The following PLEKHA5 variants were observed in gnomAD, a reference collection of about 807,000 sequenced individuals.
PLEKHA5 encodes pleckstrin homology domain-containing family A member 5.
A neutral mutation model predicts 181.9 loss-of-function variants in PLEKHA5; 55 were observed. The observed-to-expected ratio is 0.30, with a 90% confidence interval of 0.24 to 0.38. The LOEUF is 0.38. Among genes scored for constraint, PLEKHA5 ranks in the 10% least tolerant of loss-of-function variants. The pLI is 1.00. For missense variants in PLEKHA5, 1,432 were observed against 1,549.5 expected, an observed-to-expected ratio of 0.92 and a Z score of 1.27; for synonymous variants, 535 against 529.4, an observed-to-expected ratio of 1.01 and a Z score of -0.15.
chr12:19,177,906 G>A (rs1045205619), intron 3 of PLEKHA5, among the ~76,000 whole-genome samples: 7 of 152,234 alleles, frequency 4.6e-5, no homozygotes, highest in Admixed American at 1.3e-4. Context: ...AGCCAGTGCT[G>A]ATGATCAGCT....
chr12:19,245,359 G>A (rs1405512545), intron 3 of PLEKHA5, among the ~76,000 whole-genome samples: 2 of 152,092 alleles, frequency 1.3e-5, no homozygotes, highest in Non-Finnish European at 2.9e-5. Context: ...AGACAAAGTT[G>A]TGAATTTTGA....
intron 3 of PLEKHA5, among the ~76,000 whole-genome samples, chr12:19,137,053 T>TC (rs1218994850): frequency 6.6e-6 from 1 of 152,154 alleles, no homozygotes; most frequent in African/African-American, 2.4e-5. Context: ...TACTTTTTTT[T>TC]TTTCTTTGAG....
At chr12:19,367,824 G>A (rs1479111111) in intron 30 of PLEKHA5, among the ~76,000 whole-genome samples, 1 of 151,068 alleles carries the variant, frequency 6.6e-6, no homozygotes, top group African/African-American at 2.4e-5. Context: ...CTGGCCTCGT[G>A]ATCCGCCCGC....
At chr12:19,217,786 G>T (rs536321515) in intron 3 of PLEKHA5, among the ~76,000 whole-genome samples, 1 of 152,318 alleles carries the variant, frequency 6.6e-6, no homozygotes, top group South Asian at 2.1e-4. Flanking sequence ...AGCATGATTG[G>T]TGTGGACTCT....
chr12:19,291,827 A>C (rs888528012), intron 15 of PLEKHA5, 130 bp downstream of exon 15: 6 of 542,714 alleles, frequency 1.1e-5, no homozygotes, highest in Non-Finnish European at 1.9e-5. Flanking sequence ...GTGATAGAAT[A>C]TGAAATCTCT....
At chr12:19,230,017 A>G (rs1044411381) in intron 3 of PLEKHA5, among the ~76,000 whole-genome samples, 6 of 151,948 alleles carry the variant, frequency 3.9e-5, no homozygotes, top group Non-Finnish European at 8.8e-5. Flanking sequence ...GTAGACATAA[A>G]GGTTCTCCAA....
intron 3 of PLEKHA5, chr12:19,152,617 G>A (rs912780163): frequency 2.0e-5 from 3 of 152,082 alleles, no homozygotes; most frequent in African/African-American, 7.2e-5. Flanking sequence ...ATATATGATG[G>A]TAATAATTAA....
At chr12:19,372,872 C>G (rs1225066812) in intron 31 of PLEKHA5, 1 of 150,800 alleles carries the variant, frequency 6.6e-6, no homozygotes, top group African/African-American at 2.4e-5. Context: ...CTTAAGTGAT[C>G]CTCCCACGAC....
chr12:19,196,295 A>T (rs914843839), intron 3 of PLEKHA5, among the ~76,000 whole-genome samples: 43 of 152,220 alleles, frequency 2.8e-4, no homozygotes, highest in African/African-American at 1.0e-3. Context: ...AGACAATTTA[A>T]TAGTAGATTT....
intron 20 of PLEKHA5, among the ~76,000 whole-genome samples, chr12:19,333,521 A>G (rs1361555079): frequency 2.6e-5 from 4 of 151,750 alleles, no homozygotes; most frequent in Non-Finnish European, 5.9e-5. Context: ...CCCGGGAGGC[A>G]GAGGTTGCAG....
At chr12:19,257,378 C>T (rs962997859) in intron 5 of PLEKHA5, 55 bp from the exon 6 acceptor site, 25 of 801,298 alleles carry the variant, frequency 3.1e-5, no homozygotes, top group Admixed American at 4.8e-5. Flanking sequence ...GGAAGATAAG[C>T]TCAAATCTCT....
At chr12:19,247,384 G>A (rs138289328) in intron 3 of PLEKHA5, among the ~76,000 whole-genome samples, 113 of 152,196 alleles carry the variant, frequency 7.4e-4, no homozygotes, top group African/African-American at 2.6e-3. Context: ...CATAGCCCAG[G>A]TGTTCCAGTA....
intron 15 of PLEKHA5, among the ~76,000 whole-genome samples, chr12:19,292,305 C>T (rs1477243976): frequency 6.6e-6 from 1 of 152,178 alleles, no homozygotes; most frequent in Non-Finnish European, 1.5e-5. Context: ...GCTTGGGAGG[C>T]TGAGGCATGA....
chr12:19,244,846 G>A (rs1450279895), intron 3 of PLEKHA5, among the ~76,000 whole-genome samples: 1 of 152,100 alleles, frequency 6.6e-6, no homozygotes, highest in Non-Finnish European at 1.5e-5. Flanking sequence ...CAGAAGAATA[G>A]TATTGGCTGT....
chr12:19,309,069 A>C (rs2085344419), intron 15 of PLEKHA5, among the ~76,000 whole-genome samples: 1 of 152,136 alleles, frequency 6.6e-6, no homozygotes, highest in Non-Finnish European at 1.5e-5. Context: ...CTCAAAAAAA[A>C]AGAAAAAAAG....
chr12:19,147,596 CT>C (rs71064060), intron 3 of PLEKHA5, among the ~76,000 whole-genome samples: 99,289 of 137,534 alleles, frequency 0.72, 35,598 homozygotes, highest in Non-Finnish European at 0.79. Context: ...TTTCTTTTTT[CT>C]TTTTTTTTTT....
At chr12:19,344,173 C>T (rs192829416) in intron 22 of PLEKHA5, among the ~76,000 whole-genome samples, 4 of 152,160 alleles carry the variant, frequency 2.6e-5, no homozygotes, top group African/African-American at 9.6e-5. Flanking sequence ...AATGGAATGA[C>T]ATATATAATT....
intron 11 of PLEKHA5, among the ~76,000 whole-genome samples, chr12:19,280,798 C>T (rs180850454): frequency 3.3e-5 from 5 of 151,782 alleles, no homozygotes; most frequent in East Asian, 1.9e-4. Context: ...GCAACCTCCA[C>T]CTCCCAGGTT....
At chr12:19,251,739 CAAAAAAAAAAA>C (rs374276545) in intron 3 of PLEKHA5, among the ~76,000 whole-genome samples, 18 of 65,614 alleles carry the variant, frequency 2.7e-4, no homozygotes, top group East Asian at 5.1e-4. Flanking sequence ...GAGGCCCATC[CAAAAAAAAAAA>C]AAAAAAAAAA....
Sources: gnomAD v4.1 joint callset for allele counts (sites outside exome capture counted in the v4.1 genomes callset) on GRCh38, gnomAD v4.1.1 for gene constraint, MANE v1.5 for transcripts, NCBI Gene and HGNC (gene_info 2026-07-23, HGNC 2026-07-21) for gene names.